Variants in ADGRL2 observed in about 807,000 individuals in gnomAD.
The protein encoded by ADGRL2 is calcium-independent alpha-latrotoxin receptor 2.
ADGRL2 carries 44 observed loss-of-function variants against 157.4 expected under a neutral mutation model. The observed-to-expected ratio is 0.28, with a 90% CI of 0.22 to 0.36. The LOEUF (loss-of-function observed/expected upper bound fraction) is 0.36, where lower values mean the gene tolerates loss of function less well. Among genes scored for constraint, ADGRL2 ranks in the 10% least tolerant of loss-of-function variants. The pLI is 1.00. For synonymous variants in ADGRL2, 585 were observed against 624.7 expected (o/e 0.94, Z 0.95); for missense variants, 1,510 against 1,768.9 (o/e 0.85, Z 2.63).
chr1:81,608,508 G>A (rs1924649), intron 3 of ADGRL2, among the ~76,000 whole-genome samples: 106,080 of 152,102 alleles, frequency 0.7, 37,218 homozygotes, highest in Admixed American at 0.76. Context: ...AATATTGGAT[G>A]AAACAAAATT....
chr1:81,881,227 G>A (rs1054809066), intron 2 of ADGRL2, among the ~76,000 whole-genome samples: 27 of 152,226 alleles, frequency 1.8e-4, no homozygotes, highest in Admixed American at 1.2e-3. Flanking sequence ...CCAGGCTGGA[G>A]TGCAGTGGCG....
At chr1:81,578,578 A>G (rs1416023251) in intron 2 of ADGRL2, among the ~76,000 whole-genome samples, 1 of 152,284 alleles carries the variant, frequency 6.6e-6, no homozygotes, top group Middle Eastern at 3.4e-3. Flanking sequence ...TTACACCTTC[A>G]TTAGAATATC....
Position 81,580,120 on chromosome 1 carries a change from C to T in ADGRL2, c.-247-756C>T, listed in dbSNP as rs546276642. On this transcript the variant is annotated intron_variant, in intron 2 of 24. Transcript: ENST00000370721. ...TTTGTGGTTGAAAACTGAATAAAAG[C>T]GGTAAATTAAGACCAGACTTAACCA... 1.2e-4 allele frequency among the ~76,000 whole-genome samples: 18 copies of T among 152,168 alleles called. No homozygotes were observed. In the South Asian group the frequency reaches 3.1e-3, roughly 26 times the overall value.
intron 2 of ADGRL2, among the ~76,000 whole-genome samples, chr1:81,853,590 T>C (rs1398767485): frequency 6.6e-6 from 1 of 152,184 alleles, no homozygotes; most frequent in Non-Finnish European, 1.5e-5. Flanking sequence ...TTTAAAAACT[T>C]TATGATTTGC....
At chr1:81,827,405 T>G (rs2091583035) in intron 1 of ADGRL2, among the ~76,000 whole-genome samples, 1 of 152,154 alleles carries the variant, frequency 6.6e-6, no homozygotes, top group Admixed American at 6.5e-5. Flanking sequence ...TCATCACTTT[T>G]CATTCTCCCG....
intron 1 of ADGRL2, among the ~76,000 whole-genome samples, chr1:81,346,017 A>G (rs1662455581): frequency 6.6e-6 from 1 of 152,192 alleles, no homozygotes; most frequent in South Asian, 2.1e-4. Context: ...CAAGATATAG[A>G]CAGCAATAGC....
intron 3 of ADGRL2, among the ~76,000 whole-genome samples, chr1:81,918,746 A>G (rs2094915391): frequency 6.6e-6 from 1 of 152,204 alleles, no homozygotes; most frequent in South Asian, 2.1e-4. Flanking sequence ...AAATTTTTAC[A>G]TGAAGAGACA....
chr1:81,596,615 T>C lies in ADGRL2; in HGVS notation c.-143+15635T>C, dbSNP rs547141450. On this transcript the variant is annotated intron_variant, in intron 3 of 24. Transcript: ENST00000370721. Reference sequence around the variant, plus strand: ...GCTCCGCACCACCTACGACAGTGTCTTCCCCAAAGAGGGAAACTAGGATCT... The same window carrying C: ...GCTCCGCACCACCTACGACAGTGTCCTCCCCAAAGAGGGAAACTAGGATCT... 3.8e-5 allele frequency: 6 copies of C among 158,102 alleles called. No homozygotes were observed. The South Asian group carries it at 1.0e-3, about 27-fold the overall frequency. 9.8% of individuals were successfully genotyped at this position (158,102 alleles called of 1,614,324 possible).
intron 17 of ADGRL2, among the ~76,000 whole-genome samples, chr1:81,972,274 TTAATGAATTACTATGTAATTC>T (rs1430862897): frequency 6.6e-6 from 1 of 152,098 alleles, no homozygotes; most frequent in Non-Finnish European, 1.5e-5. Context: ...ACATAGTAAT[TTAATGAATTACTATGTAATTC>T]TAATGAATTA....
intron 17 of ADGRL2, among the ~76,000 whole-genome samples, chr1:81,974,064 AC>A (rs1219714671): frequency 6.6e-6 from 1 of 152,182 alleles, no homozygotes; most frequent in Non-Finnish European, 1.5e-5. Flanking sequence ...AACAACAATT[AC>A]CTATTGCTAT....
At chr1:81,720,904 A>G (rs2084289318) in intron 1 of ADGRL2, among the ~76,000 whole-genome samples, 1 of 149,886 alleles carries the variant, frequency 6.7e-6, no homozygotes, top group Non-Finnish European at 1.5e-5. Flanking sequence ...TATACTATAT[A>G]TGTTTTATAT....
At chr1:81,740,140 T>G (rs888351855) in intron 1 of ADGRL2, among the ~76,000 whole-genome samples, 1 of 152,202 alleles carries the variant, frequency 6.6e-6, no homozygotes. Flanking sequence ...ATCTAACAAA[T>G]TAATACTAGG....
chr1:81,909,305 C>T (rs1448695983), intron 3 of ADGRL2, among the ~76,000 whole-genome samples: 1 of 151,976 alleles, frequency 6.6e-6, no homozygotes, highest in East Asian at 1.9e-4. Context: ...ATCTCTTTCT[C>T]AAATATTTTC....
intron 1 of ADGRL2, among the ~76,000 whole-genome samples, chr1:81,336,137 G>GTA: frequency 6.6e-6 from 1 of 152,082 alleles, no homozygotes; most frequent in South Asian, 2.1e-4. Context: ...TGGCCTTGTC[G>GTA]GAGATTCTCC....
chr1:81,769,226 A>G (rs1222436372), intron 2 of ADGRL2, among the ~76,000 whole-genome samples: 1 of 152,078 alleles, frequency 6.6e-6, no homozygotes, highest in East Asian at 1.9e-4. Context: ...TTATGAACAG[A>G]GTTCTTAATC....
chr1:81,949,311 A>G (rs1650980635), intron 6 of ADGRL2, among the ~76,000 whole-genome samples: 1 of 152,234 alleles, frequency 6.6e-6, no homozygotes, highest in Non-Finnish European at 1.5e-5. Flanking sequence ...TGGAAGAAAC[A>G]TTGAGCTCCA....
chr1:81,582,804 G>C (rs1378283955), intron 3 of ADGRL2, among the ~76,000 whole-genome samples: 1 of 152,112 alleles, frequency 6.6e-6, no homozygotes, highest in Non-Finnish European at 1.5e-5. Flanking sequence ...ACTATTTATA[G>C]TGTGCTTTCA....
At chr1:81,340,487 C>T (rs1661993133) in intron 1 of ADGRL2, among the ~76,000 whole-genome samples, 1 of 151,982 alleles carries the variant, frequency 6.6e-6, no homozygotes, top group Non-Finnish European at 1.5e-5. Flanking sequence ...TTTCCATGGT[C>T]CTGGCTGAAT....
intron 1 of ADGRL2, among the ~76,000 whole-genome samples, chr1:81,322,149 CATAT>C (rs1660565978): frequency 8.0e-6 from 1 of 125,144 alleles, no homozygotes; most frequent in African/African-American, 3.0e-5. Flanking sequence ...CATATATATA[CATAT>C]ACATACACAC....
Sources: allele counts gnomAD v4.1 joint callset (sites outside exome capture counted in the v4.1 genomes callset), GRCh38; gene constraint gnomAD v4.1.1; transcripts MANE v1.5; gene names NCBI Gene and HGNC (gene_info 2026-07-23, HGNC 2026-07-21).